RYR2: variants seen among roughly 807,000 people sequenced by gnomAD.
RYR2 encodes the protein ryanodine receptor 2.
RYR2 carries 227 observed loss-of-function variants against 601.1 expected under a neutral mutation model. That is an observed-to-expected ratio of 0.38 (90% CI 0.34 to 0.42). The LOEUF (loss-of-function observed/expected upper bound fraction) is 0.42, where lower values mean the gene tolerates loss of function less well. RYR2 is among the 10% of genes least tolerant of loss of function. The probability of loss-of-function intolerance (pLI) is 1.00; values close to 1 mark genes in which losing one functional copy is unlikely to be tolerated. For synonymous variants in RYR2, 2,223 were observed against 2,175.1 expected (o/e 1.02, Z -0.61); for missense variants, 4,646 against 6,156.5 (o/e 0.75, Z 8.21).
chr1:237,569,329 CTA>C lies in RYR2; in HGVS notation c.3598+12_3598+13del. On this transcript the variant is annotated intron_variant, in intron 29 of 104. Transcript: ENST00000366574. ...TTTGATGTTGGCGATGGTAAGTCTA[CTA>C]TGTTTTGTGTTTTTTTTAAGTTTGC... is the stretch of plus-strand genomic sequence containing the variant. 1.9e-6 allele frequency: 3 copies of C among 1,611,970 alleles called. No homozygotes were observed. The highest frequency in any genetic ancestry group is 2.5e-6 in the Non-Finnish European group (3 of 1,178,982).
At chr1:237,461,231 A>G (rs993455339) in intron 16 of RYR2, among the ~76,000 whole-genome samples, 7 of 152,230 alleles carry the variant, frequency 4.6e-5, no homozygotes, top group Admixed American at 4.6e-4. Context: ...GCACATCTGC[A>G]TCTTTACCAT....
At position 237,614,117 on chromosome 1, in the gene RYR2, C is replaced by T. The variant is rs147060179; in HGVS notation, c.4989C>T (p.Ala1663=). The T allele has an allele frequency of 4.6e-4, 735 of 1,614,016 alleles. 6 individuals carry two copies. In the African/African-American group the frequency reaches 8.5e-3, roughly 19 times the overall value. ...FHYHTLRLYS[A]VCALGNHRVA... is the part of the protein sequence containing the mutation. The stretch of plus-strand genomic sequence containing the variant: ...ATCACACTCTCCGGCTCTACTCAGC[C>T]GTCTGTGCTCTTGGGAACCACCGGG... The change falls in exon 37 of 105, where the codon GCC becomes GCT. Residue 1663 remains alanine (A), a synonymous_variant. Transcript: ENST00000366574. The surrounding 1 kb of genome is among the most constrained non-coding windows in gnomAD (Gnocchi z 4.3).
At chr1:237,794,549 C>T (rs1658865237) in intron 95 of RYR2, among the ~76,000 whole-genome samples, 1 of 152,182 alleles carries the variant, frequency 6.6e-6, no homozygotes, top group African/African-American at 2.4e-5. Flanking sequence ...ACCCAAACTA[C>T]TAGCTGCTGT....
At chr1:237,602,565 T>A (rs1397383920) in intron 35 of RYR2, among the ~76,000 whole-genome samples, 1 of 152,070 alleles carries the variant, frequency 6.6e-6, no homozygotes, top group Non-Finnish European at 1.5e-5. Context: ...AAATAGAAGC[T>A]CTTGGGGTAC....
rs765447268 is a variant in RYR2 at position 237,832,541 on chromosome 1, G to T, written c.14809-11G>T. 6.3e-7 allele frequency: 1 copy of T among 1,578,508 alleles called. No homozygotes were observed. The highest frequency in any genetic ancestry group is 8.7e-7 in the Non-Finnish European group (1 of 1,150,648). ...GGGGAAAATGTTAATACATTTCCTT[G>T]ACTTTTGCAGGAATCTTATGTCTGG... On this transcript the variant is annotated splice_polypyrimidine_tract_variant and intron_variant, in intron 104 of 104. Transcript: ENST00000366574.
rs1475315192 is a variant in RYR2, at chr1:237,675,322, A to G, written c.8830+476A>G. Among the ~76,000 whole-genome samples, 3 of 152,158 alleles carry G rather than the reference A, an allele frequency of 2.0e-5. No homozygotes were observed. In the South Asian group the frequency reaches 6.2e-4, roughly 31 times the overall value. On this transcript the variant is annotated intron_variant, in intron 60 of 104. Coordinates refer to ENST00000366574, the MANE Select transcript of RYR2 (RefSeq NM_001035.3). The stretch of plus-strand genomic sequence containing the variant: ...TATTATTGCTCTTAGGGTACAATGA[A>G]AGACCTCTTCCCCGTCTGGCCCAGT...
chr1:237,410,785 C>T (rs1049508554), intron 10 of RYR2, among the ~76,000 whole-genome samples: 1 of 152,210 alleles, frequency 6.6e-6, no homozygotes, highest in East Asian at 1.9e-4. Flanking sequence ...CAGTGGATCC[C>T]TGTGCTGGAG....
chr1:237,343,754 T>A (rs953441488), intron 3 of RYR2, among the ~76,000 whole-genome samples: 3 of 152,068 alleles, frequency 2.0e-5, no homozygotes, highest in African/African-American at 7.2e-5. Context: ...TTGATGTGGA[T>A]GGTACTAATG....
chr1:237,369,409 A>C, intron 5 of RYR2, 125 bp from the exon 6 acceptor site: 95 of 775,602 alleles, frequency 1.2e-4, no homozygotes, highest in Non-Finnish European at 1.8e-4. Context: ...CTTGTCTGCA[A>C]GAGCTCTTAA....
chr1:237,687,866 G>C (rs754756246), intron 63 of RYR2, among the ~76,000 whole-genome samples: 32 of 152,284 alleles, frequency 2.1e-4, no homozygotes, highest in Admixed American at 3.3e-4. Flanking sequence ...ATAATGAGCT[G>C]TTATAAATCA....
chr1:237,682,385 C>T (rs944499721), intron 62 of RYR2, among the ~76,000 whole-genome samples: 63 of 152,076 alleles, frequency 4.1e-4, no homozygotes, highest in African/African-American at 1.4e-3. Flanking sequence ...TGACACTGCA[C>T]CAGAATATCT....
chr1:237,770,466 C>T (rs554079385), intron 84 of RYR2, among the ~76,000 whole-genome samples: 10 of 152,210 alleles, frequency 6.6e-5, no homozygotes, highest in African/African-American at 2.4e-4. Context: ...AAAAAGGTCC[C>T]TTCTATGTAC....
At position 237,082,111 on chromosome 1, in the gene RYR2, C is replaced by G. The variant is rs183748171; in HGVS notation, c.48+39542C>G. On this transcript the variant is annotated intron_variant, in intron 1 of 104. Coordinates refer to ENST00000366574, the MANE Select transcript of RYR2 (RefSeq NM_001035.3). ...ATGATCTGGTGCTGATAAACATTAA[C>G]TGATTAAACTAGTGGCTGACATTAT... Among the ~76,000 whole-genome samples, 576 of 152,264 alleles carry G rather than the reference C, an allele frequency of 3.8e-3. 1 individual carries two copies. Among genetic ancestry groups the G allele is most frequent in the Middle Eastern group, 0.01 (3 of 294 alleles).
intron 25 of RYR2, among the ~76,000 whole-genome samples, chr1:237,536,822 C>T (rs1053970214): frequency 5.0e-4 from 73 of 144,744 alleles, no homozygotes; most frequent in African/African-American, 1.9e-3. Flanking sequence ...GGAGGCGGAG[C>T]TTGCAGTGAG....
rs368852376 is a variant in RYR2 at position 237,709,144 on chromosome 1, G to A, written c.10142+46G>A. ...GTAATTTCTCCAATTCGGTCATAACGTTTCTTGGCTCACATGTCCTTGTTC... is the reference window on the plus strand; with the variant it reads ...GTAATTTCTCCAATTCGGTCATAACATTTCTTGGCTCACATGTCCTTGTTC... On this transcript the variant is annotated intron_variant, in intron 69 of 104. Transcript: ENST00000366574. The A allele has an allele frequency of 7.5e-5, 112 of 1,493,560 alleles. No individual in the cohort carries two copies. The East Asian group carries it at 1.3e-3, about 18-fold the overall frequency. The allele number at this position is 1,493,560 out of a possible 1,614,324, so 92.5% of individuals were successfully genotyped here.
At chr1:237,112,200 G>A (rs1669556359) in intron 1 of RYR2, among the ~76,000 whole-genome samples, 1 of 152,106 alleles carries the variant, frequency 6.6e-6, no homozygotes, top group Admixed American at 6.5e-5. Flanking sequence ...TGTGACCTCC[G>A]CTTCCCGGGT....
chr1:237,813,832 A>G (rs548695690), intron 100 of RYR2, among the ~76,000 whole-genome samples: 3 of 152,306 alleles, frequency 2.0e-5, no homozygotes, highest in East Asian at 3.9e-4. Context: ...TTATATCTCT[A>G]CACATAACAA....
chr1:237,465,794 A>T (rs1164910034), intron 16 of RYR2, among the ~76,000 whole-genome samples: 1 of 152,234 alleles, frequency 6.6e-6, no homozygotes, highest in Admixed American at 6.5e-5. Flanking sequence ...ACAGCAAATT[A>T]CCATACTGAA....
intron 84 of RYR2, among the ~76,000 whole-genome samples, chr1:237,763,709 C>G (rs1235018690): frequency 2.0e-5 from 3 of 152,186 alleles, no homozygotes; most frequent in Non-Finnish European, 4.4e-5. Context: ...TGAATACATG[C>G]TATTGCCTTA....
Sources: allele counts gnomAD v4.1 joint callset (sites outside exome capture counted in the v4.1 genomes callset), GRCh38; gene constraint gnomAD v4.1.1; non-coding constraint Gnocchi (gnomAD v3.1); transcripts MANE v1.5; gene names NCBI Gene and HGNC (gene_info 2026-07-23, HGNC 2026-07-21).